ZNF16: variants seen among roughly 807,000 people sequenced by gnomAD.
ZNF16 encodes the protein zinc finger protein 16, also known as zinc finger protein KOX9.
ZNF16 carries 7 observed loss-of-function variants against 9.0 expected under a neutral mutation model. That is an observed-to-expected ratio of 0.78 (90% CI 0.44 to 1.47). The LOEUF is 1.47. Among genes scored for constraint, ZNF16 ranks in the 40% most tolerant of loss-of-function variants. ZNF16 has a pLI of 0.01. For missense variants in ZNF16, 830 were observed against 854.2 expected (o/e 0.97, Z 0.35); for synonymous variants, 312 against 301.5 (o/e 1.03, Z -0.36).
chr8:144,931,818 GC>G lies in ZNF16; in HGVS notation c.968del (p.Cys323SerfsTer70). ...GCCTAAAAGCCTTCCCACATTCATT[GC>G]ATTCATAGGGCTTCTCACTCATGTG... ...KSHMSEKPYECNECGKAFRRS... is the reference protein window; with the variant it reads ...KSHMSEKPYEXNECGKAFRRS... On this transcript the variant is annotated frameshift_variant, in exon 3 of 3. Coordinates refer to ENST00000394909, the MANE Select transcript of ZNF16 (RefSeq NM_006958.3). LOFTEE classifies it low-confidence loss of function (END_TRUNC). The G allele has an allele frequency of 6.2e-7, 1 of 1,614,136 alleles. No homozygotes were observed. Among genetic ancestry groups the G allele is most frequent in the Non-Finnish European group, 8.5e-7 (1 of 1,180,030 alleles).
At position 144,932,198 on chromosome 8, in the gene ZNF16, T is replaced by A; in HGVS notation, c.589A>T (p.Thr197Ser). The A allele has an allele frequency of 6.2e-7, 1 of 1,614,154 alleles. No individual in the cohort carries two copies. Among genetic ancestry groups the A allele is most frequent in the Non-Finnish European group, 8.5e-7 (1 of 1,180,024 alleles). The change falls in exon 3 of 3, where the codon ACT (threonine) becomes TCT (serine). Residue 197 changes from threonine to serine, a missense_variant. By Grantham distance (58) the Thr-to-Ser change is moderately conservative (BLOSUM62 1). Transcript: ENST00000394909. The surrounding 1 kb of genome is among the most constrained non-coding windows in gnomAD (Gnocchi z 5.0). ...GQSFQHSVDL[T>S]GHEGVPTAES... ...GCTGTGGGAACCCCCTCATGACCAG[T>A]TAGGTCCACACTGTGCTGGAAACTC...
In ZNF16 at chr8:144,946,025, T is replaced by A; in HGVS notation, c.182A>T (p.His61Leu). The change falls in exon 2 of 3, where the codon CAC becomes CTC. Residue 61 changes from histidine to leucine, a missense_variant. Coordinates refer to ENST00000394909, the MANE Select transcript of ZNF16 (RefSeq NM_006958.3). ...TCTTAAAGTACCTGGCTGCTGATAG[T>A]GAGGGCAGATGGCTTCCAGCTCAGT... ...SDTELEAICP[H>L]YQQPDCDTRT... 6.2e-7 allele frequency: 1 copy of A among 1,613,636 alleles called. No individual in the cohort carries two copies. Among genetic ancestry groups the A allele is most frequent in the Non-Finnish European group, 8.5e-7 (1 of 1,179,732 alleles).
At chr8:144,941,887 T>C (rs1201586263) in intron 2 of ZNF16, among the ~76,000 whole-genome samples, 1 of 151,764 alleles carries the variant, frequency 6.6e-6, no homozygotes, top group African/African-American at 2.4e-5. Context: ...CTCAATCTCC[T>C]GACCTCATGA....
intron 2 of ZNF16, among the ~76,000 whole-genome samples, chr8:144,938,055 G>T (rs1833724817): frequency 6.6e-6 from 1 of 152,098 alleles, no homozygotes; most frequent in South Asian, 2.1e-4. Flanking sequence ...GAAAGGACTT[G>T]GTACCCTTGT....
At chr8:144,937,826 CTAT>C (rs1391022104) in intron 2 of ZNF16, among the ~76,000 whole-genome samples, 1 of 151,346 alleles carries the variant, frequency 6.6e-6, no homozygotes, top group Non-Finnish European at 1.5e-5. Flanking sequence ...ACACAACTGG[CTAT>C]TTTTTTTTTG....
rs572154939 is a variant in ZNF16, at chr8:144,939,591, G to A, written c.196+6420C>T. Among the ~76,000 whole-genome samples the A allele has an allele frequency of 8.6e-3, 791 of 92,232 alleles. 5 individuals carry two copies. The highest frequency in any genetic ancestry group is 0.047 in the South Asian group (114 of 2,448). 60.5% of individuals were successfully genotyped at this position (92,232 alleles called of 152,430 possible). ...AGCCTGAGGAACAGAGCGAGACTCC[G>A]TCTCAAAAAAAAAAAAAAAAAAAAA... On this transcript the variant is annotated intron_variant, in intron 2 of 2. Coordinates refer to ENST00000394909, the MANE Select transcript of ZNF16 (RefSeq NM_006958.3).
At chr8:144,936,644 A>T (rs905881252) in intron 2 of ZNF16, among the ~76,000 whole-genome samples, 2 of 152,164 alleles carry the variant, frequency 1.3e-5, no homozygotes, top group Non-Finnish European at 2.9e-5. Context: ...AATGATGTTA[A>T]GCATCTTTTC....
intron 1 of ZNF16, among the ~76,000 whole-genome samples, chr8:144,948,744 TG>T (rs59132957): frequency 0.25 from 38,345 of 152,034 alleles, 4,946 homozygotes; most frequent in East Asian, 0.34. Context: ...AACTATGCTA[TG>T]GCTTCACACC....
Position 144,933,758 on chromosome 8 carries a change from G to A in ZNF16, c.197-1168C>T, listed in dbSNP as rs1833612399. ...GCAGGGCAGATGTGTCCACCTTTGGGTCTGCCTTGCCCAGAGCACTCTCCA... is the reference window on the plus strand; with the variant it reads ...GCAGGGCAGATGTGTCCACCTTTGGATCTGCCTTGCCCAGAGCACTCTCCA... On this transcript the variant is annotated intron_variant, in intron 2 of 2. Coordinates refer to ENST00000394909, the MANE Select transcript of ZNF16 (RefSeq NM_006958.3). The surrounding 1 kb of genome is among the most constrained non-coding windows in gnomAD (Gnocchi z 5.6). 6.6e-6 allele frequency among the ~76,000 whole-genome samples: 1 copy of A among 152,168 alleles called. No homozygotes were observed. Among genetic ancestry groups the A allele is most frequent in the Non-Finnish European group, 1.5e-5 (1 of 68,044 alleles).
intron 2 of ZNF16, among the ~76,000 whole-genome samples, chr8:144,943,027 C>A (rs1175937920): frequency 6.6e-6 from 1 of 152,168 alleles, no homozygotes; most frequent in African/African-American, 2.4e-5. Flanking sequence ...CCTTGTGGGG[C>A]AGTCTATTTG....
intron 1 of ZNF16, among the ~76,000 whole-genome samples, chr8:144,949,194 C>T (rs564508011): frequency 7.2e-5 from 11 of 152,400 alleles, no homozygotes; most frequent in South Asian, 2.1e-4. Flanking sequence ...GGGCCCTGGC[C>T]GATCCCTCAG....
chr8:144,949,175 C>T (rs1834030377), intron 1 of ZNF16, among the ~76,000 whole-genome samples: 1 of 152,254 alleles, frequency 6.6e-6, no homozygotes, highest in Non-Finnish European at 1.5e-5. Flanking sequence ...TAGCAAGCAG[C>T]CACAGGATGG....
intron 2 of ZNF16, among the ~76,000 whole-genome samples, chr8:144,942,503 G>T (rs1215356490): frequency 6.6e-6 from 1 of 150,786 alleles, no homozygotes; most frequent in East Asian, 2.0e-4. Flanking sequence ...GGCCAGGCTG[G>T]TCTCGAACTC....
At chr8:144,946,958 CTGT>C (rs1833964905) in intron 1 of ZNF16, among the ~76,000 whole-genome samples, 1 of 112,390 alleles carries the variant, frequency 8.9e-6, no homozygotes, top group Non-Finnish European at 1.8e-5. Flanking sequence ...TGCTGTGGGC[CTGT>C]GTCCTGCTGT....
intron 2 of ZNF16, among the ~76,000 whole-genome samples, chr8:144,940,896 A>G (rs976508412): frequency 1.3e-5 from 2 of 152,222 alleles, no homozygotes; most frequent in Non-Finnish European, 2.9e-5. Flanking sequence ...AAAAGAAGCT[A>G]ACAAGCTCCC....
chr8:144,947,336 G>GT (rs202204344), intron 1 of ZNF16, among the ~76,000 whole-genome samples: 8 of 130,684 alleles, frequency 6.1e-5, no homozygotes, highest in African/African-American at 2.7e-4. Context: ...GTATCCTGCT[G>GT]TGGGCCTGTG....
Position 144,931,421 on chromosome 8 carries a change from T to C in ZNF16, c.1366A>G (p.Thr456Ala), listed in dbSNP as rs1833535659. ...TTACACACGTGAGGCTTTTCTCCAG[T>C]GTGAATTCTCCGATGCTGAATAAGG... ...SSLIQHRRIHTGEKPHVCNVC... is the reference protein window; with the variant it reads ...SSLIQHRRIHAGEKPHVCNVC... The change falls in exon 3 of 3, where the codon ACT becomes GCT. Residue 456 changes from threonine (T) to alanine (A), a missense_variant. Thr to Ala is a moderately conservative substitution (Grantham distance 58). Coordinates refer to ENST00000394909, the MANE Select transcript of ZNF16 (RefSeq NM_006958.3). 1.9e-6 allele frequency: 3 copies of C among 1,614,148 alleles called. No individual in the cohort carries two copies. The highest frequency in any genetic ancestry group is 2.2e-5 in the East Asian group (1 of 44,876).
intron 1 of ZNF16, chr8:144,950,550 G>C (rs1290448606): frequency 6.6e-6 from 1 of 152,126 alleles, no homozygotes; most frequent in East Asian, 1.9e-4. Context: ...CCTTACCCCG[G>C]GGTCTCCCCG....
rs1833607407 is a variant in ZNF16, at chr8:144,933,541, G to C, written c.197-951C>G. 6.6e-6 allele frequency among the ~76,000 whole-genome samples: 1 copy of C among 152,084 alleles called. No homozygotes were observed. The highest frequency in any genetic ancestry group is 1.5e-5 in the Non-Finnish European group (1 of 68,014). Reference sequence around the variant, plus strand: ...CCTTACTCAAATGAAGATGTCACGAGTCTCTCATTCAAACTGACATCCCAG... The same window carrying C: ...CCTTACTCAAATGAAGATGTCACGACTCTCTCATTCAAACTGACATCCCAG... On this transcript the variant is annotated intron_variant, in intron 2 of 2. Transcript: ENST00000394909. The surrounding 1 kb of genome is among the most constrained non-coding windows in gnomAD (Gnocchi z 5.6).
Sources: allele counts gnomAD v4.1 joint callset (sites outside exome capture counted in the v4.1 genomes callset), GRCh38; gene constraint gnomAD v4.1.1; non-coding constraint Gnocchi (gnomAD v3.1); transcripts MANE v1.5; gene names NCBI Gene and HGNC (gene_info 2026-07-23, HGNC 2026-07-21).